CCDC169: variants seen among roughly 807,000 people sequenced by gnomAD.
The protein encoded by CCDC169 is coiled-coil domain containing 169.
CCDC169 carries 30 observed loss-of-function variants against 36.0 expected under a neutral mutation model. That is an observed-to-expected ratio of 0.83 (90% CI 0.62 to 1.13). The LOEUF (loss-of-function observed/expected upper bound fraction) is 1.13, where lower values mean the gene tolerates loss of function less well. CCDC169 is among the 50% of genes most tolerant of loss of function. The probability of loss-of-function intolerance (pLI) is 0.00; values close to 1 mark genes in which losing one functional copy is unlikely to be tolerated. For missense variants in CCDC169, 245 were observed against 245.9 expected (o/e 1.00, Z 0.03); for synonymous variants, 85 against 81.5 (o/e 1.04, Z -0.23).
downstream of CCDC169, among the ~76,000 whole-genome samples, chr13:36,229,389 AAT>A (rs1042531169): frequency 1.3e-5 from 2 of 152,128 alleles, no homozygotes; most frequent in African/African-American, 4.8e-5. Flanking sequence ...ACTTAAATGT[AAT>A]AGAGTCCCTG....
chr13:36,254,233 G>C (rs1345447171), intron 4 of CCDC169, 90 bp from the exon 5 acceptor site: 7 of 716,294 alleles, frequency 9.8e-6, no homozygotes, highest in Non-Finnish European at 1.2e-5. Context: ...TAAATGCCTT[G>C]TATACCTAAT....
At chr13:36,294,913 G>C (rs1247819952) in intron 2 of CCDC169, among the ~76,000 whole-genome samples, 1 of 152,120 alleles carries the variant, frequency 6.6e-6, no homozygotes, top group Non-Finnish European at 1.5e-5. Context: ...TTAACTACCA[G>C]GCCCAGGGTG....
intron 2 of CCDC169, among the ~76,000 whole-genome samples, chr13:36,292,835 G>A (rs1392663854): frequency 6.6e-6 from 1 of 152,004 alleles, no homozygotes; most frequent in Non-Finnish European, 1.5e-5. Flanking sequence ...GTAGGGAAGA[G>A]AGGGCCATCA....
At chr13:36,268,759 C>A (rs1594055744) in intron 4 of CCDC169, among the ~76,000 whole-genome samples, 3 of 151,992 alleles carry the variant, frequency 2.0e-5, no homozygotes, top group Non-Finnish European at 4.4e-5. Flanking sequence ...TCCAAATAAG[C>A]TCAATTAGAA....
chr13:36,242,215 C>T (rs1001796301), intron 7 of CCDC169, among the ~76,000 whole-genome samples: 2 of 152,214 alleles, frequency 1.3e-5, no homozygotes, highest in African/African-American at 4.8e-5. Context: ...TAAATGTATA[C>T]TCCTACTAGC....
At chr13:36,224,719 A>G (rs1869772688), downstream of CCDC169, 1 of 152,212 alleles carries the variant, frequency 6.6e-6, no homozygotes, top group African/African-American at 2.4e-5. Context: ...ATACTGCCCA[A>G]AGCAATCTAC....
At chr13:36,285,779 G>A (rs1044885298) in intron 2 of CCDC169, among the ~76,000 whole-genome samples, 7 of 151,980 alleles carry the variant, frequency 4.6e-5, no homozygotes, top group Non-Finnish European at 7.4e-5. Context: ...CATCAACATG[G>A]GACAACACAA....
At chr13:36,278,210 T>C (rs1044934546) in intron 4 of CCDC169, among the ~76,000 whole-genome samples, 9 of 152,188 alleles carry the variant, frequency 5.9e-5, no homozygotes, top group Non-Finnish European at 8.8e-5. Flanking sequence ...TCAGGCACTA[T>C]GTTATTTGTT....
At chr13:36,293,920 T>C (rs925681107) in intron 2 of CCDC169, among the ~76,000 whole-genome samples, 1 of 152,118 alleles carries the variant, frequency 6.6e-6, no homozygotes, top group Non-Finnish European at 1.5e-5. Context: ...GTTTTGAGTG[T>C]GATGTGGTAG....
intron 4 of CCDC169, among the ~76,000 whole-genome samples, chr13:36,271,891 T>C (rs1876110473): frequency 2.0e-5 from 3 of 151,862 alleles, no homozygotes; most frequent in Admixed American, 2.0e-4. Flanking sequence ...GAGACCAACC[T>C]GACCAACATG....
intron 4 of CCDC169, among the ~76,000 whole-genome samples, chr13:36,258,643 C>A (rs934925446): frequency 4.6e-5 from 7 of 152,156 alleles, no homozygotes; most frequent in Admixed American, 2.6e-4. Flanking sequence ...AGGGAAGGAA[C>A]CCTCATTTCC....
chr13:36,274,908 G>A lies in CCDC169; in HGVS notation c.315+8561C>T, dbSNP rs1204614918. Among the ~76,000 whole-genome samples the A allele has an allele frequency of 4.1e-4, 49 of 119,594 alleles. 1 individual carries two copies. The East Asian group carries it at 5.8e-3, about 14-fold the overall frequency. The allele number at this position is 119,594 out of a possible 152,430, so 78.5% of individuals were successfully genotyped here. ...TTTTTTGAGACAAAGTCTCCCTGTC[G>A]CCCAGGCTGGAGTGCAGTGGCGCGA... is the stretch of plus-strand genomic sequence containing the variant. On this transcript the variant is annotated intron_variant, in intron 4 of 7. Coordinates refer to ENST00000239859, the MANE Select transcript of CCDC169 (RefSeq NM_001144981.3).
At chr13:36,233,082 T>C (rs1410311457) in intron 7 of CCDC169, among the ~76,000 whole-genome samples, 1 of 151,788 alleles carries the variant, frequency 6.6e-6, no homozygotes, top group African/African-American at 2.4e-5. Flanking sequence ...TAAGGTAGAG[T>C]TGTAATTTGC....
At chr13:36,274,361 T>A (rs1876495605) in intron 4 of CCDC169, 2 of 152,190 alleles carry the variant, frequency 1.3e-5, no homozygotes, top group Non-Finnish European at 2.9e-5. Context: ...CCTCTTATTT[T>A]ACTGACTCCA....
intron 4 of CCDC169, among the ~76,000 whole-genome samples, chr13:36,272,776 G>A (rs1273157125): frequency 6.6e-6 from 1 of 152,102 alleles, no homozygotes; most frequent in African/African-American, 2.4e-5. Flanking sequence ...ACATGTCTCT[G>A]TGTCTGAAAC....
chr13:36,236,675 A>G (rs1270750665), intron 7 of CCDC169, among the ~76,000 whole-genome samples: 1 of 152,104 alleles, frequency 6.6e-6, no homozygotes, highest in African/African-American at 2.4e-5. Context: ...AAATAAAAAT[A>G]CCATCCATAG....
chr13:36,254,632 T>C (rs1395691452), intron 4 of CCDC169, among the ~76,000 whole-genome samples: 1 of 152,200 alleles, frequency 6.6e-6, no homozygotes, highest in Non-Finnish European at 1.5e-5. Flanking sequence ...ACCCTAACAA[T>C]ATGTCATGTA....
chr13:36,248,864 G>A (rs1872801898), intron 6 of CCDC169, among the ~76,000 whole-genome samples, 182 bp from the exon 7 acceptor site: 1 of 151,232 alleles, frequency 6.6e-6, no homozygotes, highest in East Asian at 2.0e-4. Flanking sequence ...TAAAGATTCT[G>A]GAAATCCCCC....
chr13:36,241,934 A>G (rs1871876058), intron 7 of CCDC169, among the ~76,000 whole-genome samples: 1 of 152,066 alleles, frequency 6.6e-6, no homozygotes, highest in Non-Finnish European at 1.5e-5. Flanking sequence ...TCCTGGTGAT[A>G]GTGGGTTCTC....
Sources: allele counts gnomAD v4.1 joint callset (sites outside exome capture counted in the v4.1 genomes callset), GRCh38; gene constraint gnomAD v4.1.1; transcripts MANE v1.5; gene names NCBI Gene and HGNC (gene_info 2026-07-23, HGNC 2026-07-21).